The following CEMIP variants were observed in gnomAD, a reference collection of about 807,000 sequenced individuals.
CEMIP encodes cell migration-inducing and hyaluronan-binding protein.
A neutral mutation model predicts 156.9 loss-of-function variants in CEMIP; 105 were observed. The ratio of observed to expected loss-of-function variants is 0.67; its 90% confidence interval spans 0.57 to 0.79. CEMIP has a LOEUF of 0.79. Among genes scored for constraint, CEMIP ranks in the 30% least tolerant of loss-of-function variants. The pLI, the probability that CEMIP is intolerant of heterozygous loss-of-function variation, is 0.00. For missense variants in CEMIP, 1,457 were observed against 1,769.4 expected, an observed-to-expected ratio of 0.82 and a Z score of 3.17; for synonymous variants, 676 against 668.4, an observed-to-expected ratio of 1.01 and a Z score of -0.17.
intron 10 of CEMIP, among the ~76,000 whole-genome samples, chr15:80,891,582 A>T (rs902373230): frequency 1.3e-5 from 2 of 152,212 alleles, no homozygotes; most frequent in South Asian, 2.1e-4. Context: ...GTCTTCCCAC[A>T]ATGAAAGCAT....
At chr15:80,935,726 T>TTCTTTG (rs1901096222) in intron 23 of CEMIP, among the ~76,000 whole-genome samples, 1 of 152,140 alleles carries the variant, frequency 6.6e-6, no homozygotes, top group South Asian at 2.1e-4. Flanking sequence ...ACATGGCGTT[T>TTCTTTG]TTTTTGTTTT....
intron 19 of CEMIP, among the ~76,000 whole-genome samples, chr15:80,926,004 T>C (rs976083875): frequency 6.6e-6 from 1 of 152,048 alleles, no homozygotes; most frequent in South Asian, 2.1e-4. Context: ...CGCTTCCAAA[T>C]AGTCACTGGG....
At chr15:80,861,574 A>G (rs376817140) in intron 1 of CEMIP, among the ~76,000 whole-genome samples, 4 of 152,316 alleles carry the variant, frequency 2.6e-5, no homozygotes, top group South Asian at 4.1e-4. Context: ...TGGGGAAAAA[A>G]GGGCCACTAA....
chr15:80,885,332 G>A (rs1173128426), intron 7 of CEMIP, among the ~76,000 whole-genome samples: 1 of 152,134 alleles, frequency 6.6e-6, no homozygotes, highest in African/African-American at 2.4e-5. Flanking sequence ...GGCAAGGGAG[G>A]GGTGCTCCAG....
intron 1 of CEMIP, among the ~76,000 whole-genome samples, chr15:80,800,033 G>GTC (rs1896337206): frequency 6.7e-6 from 1 of 149,814 alleles, no homozygotes. Context: ...GTGTGTGTGT[G>GTC]TGTGTGTGTG....
intron 3 of CEMIP, among the ~76,000 whole-genome samples, chr15:80,875,964 C>G (rs998866076): frequency 6.6e-6 from 1 of 152,220 alleles, no homozygotes; most frequent in South Asian, 2.1e-4. Flanking sequence ...GTCAGACTGA[C>G]CACCTCCAAA....
At chr15:80,870,532 C>T (rs1814622050) in intron 1 of CEMIP, among the ~76,000 whole-genome samples, 2 of 152,222 alleles carry the variant, frequency 1.3e-5, no homozygotes, top group Non-Finnish European at 2.9e-5. Flanking sequence ...CCTTGCTCTG[C>T]AGGTGACAAG....
intron 1 of CEMIP, among the ~76,000 whole-genome samples, chr15:80,783,428 T>C (rs535658071): frequency 6.6e-6 from 1 of 152,358 alleles, no homozygotes; most frequent in South Asian, 2.1e-4. Flanking sequence ...ACTGCTTGTT[T>C]TTTACCATTA....
intron 28 of CEMIP, among the ~76,000 whole-genome samples, chr15:80,945,535 AC>A (rs1012405851): frequency 1.3e-5 from 2 of 152,116 alleles, no homozygotes; most frequent in Non-Finnish European, 2.9e-5. Flanking sequence ...CACCCTACCA[AC>A]CCTTTGGGCC....
intron 14 of CEMIP, 101 bp from the exon 15 acceptor site, chr15:80,919,993 A>T: frequency 9.3e-7 from 1 of 1,075,300 alleles, no homozygotes. Flanking sequence ...TTGCTGAATG[A>T]ATGAATGAGC....
chr15:80,857,788 G>T (rs1329747018), intron 1 of CEMIP, among the ~76,000 whole-genome samples: 3 of 152,300 alleles, frequency 2.0e-5, no homozygotes, highest in East Asian at 3.9e-4. Flanking sequence ...GTGAATATAT[G>T]ATTATAAACT....
intron 11 of CEMIP, among the ~76,000 whole-genome samples, chr15:80,895,399 G>A (rs937523443): frequency 2.6e-5 from 4 of 152,194 alleles, no homozygotes; most frequent in Admixed American, 6.5e-5. Flanking sequence ...GCAGTTCTTT[G>A]CCTCTTTGGG....
chr15:80,918,257 A>G (rs1596190540), intron 14 of CEMIP, among the ~76,000 whole-genome samples: 3 of 152,190 alleles, frequency 2.0e-5, no homozygotes, highest in East Asian at 1.9e-4. Flanking sequence ...CCTAGGCAAC[A>G]GAGCCAGACC....
intron 10 of CEMIP, among the ~76,000 whole-genome samples, chr15:80,892,941 C>A (rs1899082828): frequency 6.6e-6 from 1 of 152,358 alleles, no homozygotes; most frequent in Middle Eastern, 3.4e-3. Context: ...AATCCCAGCA[C>A]TTTGGGAGGC....
chr15:80,923,989 CTGAG>C, intron 17 of CEMIP, among the ~76,000 whole-genome samples: 1 of 152,302 alleles, frequency 6.6e-6, no homozygotes, highest in East Asian at 1.9e-4. Flanking sequence ...AAAGAGAAAT[CTGAG>C]TATGAGCATT....
chr15:80,839,588 G>C (rs1897346027), intron 1 of CEMIP, among the ~76,000 whole-genome samples: 1 of 152,114 alleles, frequency 6.6e-6, no homozygotes, highest in Non-Finnish European at 1.5e-5. Flanking sequence ...TGTGCAGTGG[G>C]AAAAGGCAAC....
chr15:80,926,467 A>G (rs1257597533), intron 19 of CEMIP, among the ~76,000 whole-genome samples: 2 of 152,216 alleles, frequency 1.3e-5, no homozygotes, highest in Non-Finnish European at 2.9e-5. Context: ...ATATTTCTCT[A>G]TTTTATTGTG....
rs1901143529 is a variant in CEMIP at position 80,936,838 on chromosome 15, C to A, written c.3174C>A (p.Asp1058Glu). The change falls in exon 24 of 30, where the codon GAC becomes GAA. Residue 1058 changes from aspartate to glutamate, a missense_variant. Coordinates refer to ENST00000394685, the MANE Select transcript of CEMIP (RefSeq NM_001293298.2). ...AGAAGGGCTACACCATCCACTGGGACCAGACGGCCCCCGCCGAACTCGCCA... is the reference window on the plus strand; with the variant it reads ...AGAAGGGCTACACCATCCACTGGGAACAGACGGCCCCCGCCGAACTCGCCA... ...TLQKGYTIHW[D>E]QTAPAELAIW... is the part of the protein sequence containing the mutation. 2 of 1,614,140 alleles carry A rather than the reference C, an allele frequency of 1.2e-6. No individual in the cohort carries two copies. The highest frequency in any genetic ancestry group is 1.7e-6 in the Non-Finnish European group (2 of 1,180,050).
rs1001870548 is a variant in CEMIP, at chr15:80,906,414, A to C, written c.1412-249A>C. On this transcript the variant is annotated intron_variant, in intron 12 of 29. Coordinates refer to ENST00000394685, the MANE Select transcript of CEMIP (RefSeq NM_001293298.2). The surrounding 1 kb of genome is among the most constrained non-coding windows in gnomAD (Gnocchi z 4.3). ...GACTGAAAAACAGAAGAGGAGACAA[A>C]TATTAGGGGACAATTAGCCATTTCT... is the stretch of plus-strand genomic sequence containing the variant. Among the ~76,000 whole-genome samples, 2 of 152,178 alleles carry C rather than the reference A, an allele frequency of 1.3e-5. No homozygotes were observed. Among genetic ancestry groups the C allele is most frequent in the Non-Finnish European group, 2.9e-5 (2 of 68,028 alleles).
Sources: allele counts gnomAD v4.1 joint callset (sites outside exome capture counted in the v4.1 genomes callset), GRCh38; gene constraint gnomAD v4.1.1; non-coding constraint Gnocchi (gnomAD v3.1); transcripts MANE v1.5; gene names NCBI Gene and HGNC (gene_info 2026-07-23, HGNC 2026-07-21).